The following LOC128462377 variants were observed in gnomAD, a reference collection of about 807,000 sequenced individuals.
chr16:89,337,721 TA>T, the LOC128462377 span, among the ~76,000 whole-genome samples: 1 of 152,164 alleles, frequency 6.6e-6, no homozygotes, highest in African/African-American at 2.4e-5. Flanking sequence ...ATTACAGGCG[TA>T]AGCCACTGTG....
chr16:89,349,861 A>AACACAC, the LOC128462377 span, among the ~76,000 whole-genome samples: 141 of 133,236 alleles, frequency 1.1e-3, 1 homozygote, highest in East Asian at 4.1e-3. Context: ...TACTTGTTAA[A>AACACAC]ACACACACAC....
chr16:89,337,432 T>C, the LOC128462377 span, among the ~76,000 whole-genome samples: 1 of 101,478 alleles, frequency 9.9e-6, no homozygotes, highest in African/African-American at 3.9e-5. Flanking sequence ...AGCAATTCTT[T>C]TTTTTTTTTT....
At chr16:89,393,430 T>TGGA in the LOC128462377 span, among the ~76,000 whole-genome samples, 2 of 150,968 alleles carry the variant, frequency 1.3e-5, no homozygotes, top group Non-Finnish European at 2.9e-5. Context: ...TTCAAGCAAT[T>TGGA]CTCCCACCTC....
chr16:89,383,491 C>T, the LOC128462377 span, among the ~76,000 whole-genome samples: 1,278 of 152,324 alleles, frequency 8.4e-3, 14 homozygotes, highest in South Asian at 0.037. Flanking sequence ...TTCAAAACCT[C>T]GGGGCCATGT....
At chr16:89,416,700 C>T in the LOC128462377 span, among the ~76,000 whole-genome samples, 1 of 149,130 alleles carries the variant, frequency 6.7e-6, no homozygotes, top group African/African-American at 2.5e-5. Flanking sequence ...GAGGCTGAGG[C>T]AGGAGGATTG....
the LOC128462377 span, among the ~76,000 whole-genome samples, chr16:89,369,556 C>T: frequency 2.6e-5 from 4 of 152,182 alleles, no homozygotes; most frequent in Non-Finnish European, 4.4e-5. Context: ...GCAGATAAAT[C>T]CACAGACAGA....
chr16:89,348,873 TAAA>T, the LOC128462377 span, among the ~76,000 whole-genome samples: 3 of 130,406 alleles, frequency 2.3e-5, no homozygotes, highest in Admixed American at 7.7e-5. Flanking sequence ...TTATTGTCTT[TAAA>T]AAAAAAAAAA....
At chr16:89,337,529 C>T in the LOC128462377 span, among the ~76,000 whole-genome samples, 16 of 149,064 alleles carry the variant, frequency 1.1e-4, no homozygotes, top group African/African-American at 4.0e-4. Context: ...CTCCGCCTCC[C>T]GGGTTCACGC....
the LOC128462377 span, among the ~76,000 whole-genome samples, chr16:89,354,482 ACAGAGGG>A: frequency 6.6e-6 from 1 of 152,224 alleles, no homozygotes. Flanking sequence ...TGGAAATGTC[ACAGAGGG>A]CAGAGGGCAG....
the LOC128462377 span, among the ~76,000 whole-genome samples, chr16:89,386,660 T>C: frequency 3.9e-5 from 6 of 152,206 alleles, no homozygotes; most frequent in African/African-American, 1.4e-4. Context: ...TCCAGGAAAC[T>C]TGACTCCCTT....
the LOC128462377 span, among the ~76,000 whole-genome samples, chr16:89,363,301 C>T: frequency 3.3e-5 from 5 of 152,054 alleles, no homozygotes; most frequent in Non-Finnish European, 5.9e-5. Flanking sequence ...ACGGTGCATG[C>T]GAATTTGTTA....
At chr16:89,352,630 A>C in the LOC128462377 span, among the ~76,000 whole-genome samples, 1 of 152,162 alleles carries the variant, frequency 6.6e-6, no homozygotes, top group Non-Finnish European at 1.5e-5. Context: ...TTGAAGGGTA[A>C]AAGCTCTGTC....
the LOC128462377 span, among the ~76,000 whole-genome samples, chr16:89,353,521 A>C: frequency 3.3e-5 from 5 of 151,624 alleles, no homozygotes; most frequent in African/African-American, 1.2e-4. Flanking sequence ...TGTGTCACCC[A>C]GGCTGGAGTA....
At chr16:89,352,072 T>C in the LOC128462377 span, among the ~76,000 whole-genome samples, 1 of 152,102 alleles carries the variant, frequency 6.6e-6, no homozygotes, top group Non-Finnish European at 1.5e-5. Flanking sequence ...GTAATTTGTG[T>C]AGAGGCGGGG....
At chr16:89,379,792 A>G in the LOC128462377 span, among the ~76,000 whole-genome samples, 1 of 152,250 alleles carries the variant, frequency 6.6e-6, no homozygotes, top group Admixed American at 6.5e-5. Flanking sequence ...AGAAGATGTC[A>G]GCTGTATTTT....
At chr16:89,348,384 T>C in the LOC128462377 span, among the ~76,000 whole-genome samples, 1 of 152,218 alleles carries the variant, frequency 6.6e-6, no homozygotes, top group Non-Finnish European at 1.5e-5. Context: ...ATCGCTATCC[T>C]TTCTATCTCC....
the LOC128462377 span, among the ~76,000 whole-genome samples, chr16:89,374,084 A>G: frequency 6.6e-6 from 1 of 152,224 alleles, no homozygotes; most frequent in East Asian, 1.9e-4. Context: ...AGGGGTGTTA[A>G]CCCGAGACAA....
the LOC128462377 span, among the ~76,000 whole-genome samples, chr16:89,393,490 C>CTT: frequency 3.0e-4 from 35 of 117,088 alleles, no homozygotes; most frequent in African/African-American, 6.6e-4. Flanking sequence ...TATCCAGCTG[C>CTT]TTTTTTTTTT....
chr16:89,396,314 G>C, the LOC128462377 span, among the ~76,000 whole-genome samples: 12 of 152,274 alleles, frequency 7.9e-5, no homozygotes, highest in African/African-American at 2.9e-4. Flanking sequence ...ACTGTGTGCT[G>C]ACCTGGGTCA....
Sources: gnomAD v4.1 joint callset for allele counts (sites outside exome capture counted in the v4.1 genomes callset) on GRCh38, gnomAD v4.1.1 for gene constraint, MANE v1.5 for transcripts.